EPHA3: variants seen among roughly 807,000 people sequenced by gnomAD.
The protein encoded by EPHA3 is EPH receptor A3.
A neutral mutation model predicts 107.1 loss-of-function variants in EPHA3; 42 were observed. That is an observed-to-expected ratio of 0.39 (90% CI 0.31 to 0.51). EPHA3 has a LOEUF of 0.51. Among genes scored for constraint, EPHA3 ranks in the 20% least tolerant of loss-of-function variants. The pLI is 0.78. For synonymous variants in EPHA3, 461 were observed against 424.8 expected (o/e 1.09, Z -1.05); for missense variants, 1,183 against 1,211.2 (o/e 0.98, Z 0.35).
At chr3:89,352,902 C>CAAAAAAAAAAAAAAAAAA (rs1215369952) in intron 5 of EPHA3, among the ~76,000 whole-genome samples, 42 of 40,992 alleles carry the variant, frequency 1.0e-3, no homozygotes, top group African/African-American at 4.0e-3. Flanking sequence ...GACTCTGTCT[C>CAAAAAAAAAAAAAAAAAA]AAAAAAAAAA....
At chr3:89,391,605 T>C (rs1173836121) in intron 5 of EPHA3, among the ~76,000 whole-genome samples, 1 of 147,406 alleles carries the variant, frequency 6.8e-6, no homozygotes, top group Non-Finnish European at 1.5e-5. Flanking sequence ...TTTTTTGTAT[T>C]TTTTTTTTTA....
intron 13 of EPHA3, among the ~76,000 whole-genome samples, chr3:89,436,118 T>C (rs1420245519): frequency 1.3e-5 from 2 of 151,460 alleles, no homozygotes; most frequent in Admixed American, 6.6e-5. Flanking sequence ...AGGACCCTTT[T>C]TCAAAAAATA....
intron 3 of EPHA3, among the ~76,000 whole-genome samples, chr3:89,229,637 TTAAA>T (rs1245630531): frequency 3.3e-5 from 5 of 151,808 alleles, no homozygotes; most frequent in Middle Eastern, 3.4e-3. Context: ...GCATCAAAAT[TTAAA>T]TAAATAAACT....
intron 3 of EPHA3, among the ~76,000 whole-genome samples, chr3:89,298,583 A>T (rs1706416021): frequency 6.6e-6 from 1 of 151,964 alleles, no homozygotes; most frequent in Admixed American, 6.6e-5. Flanking sequence ...TTCTTGTGAG[A>T]TGGTAAATTC....
chr3:89,250,447 T>C (rs1267474142), intron 3 of EPHA3, among the ~76,000 whole-genome samples: 1 of 152,246 alleles, frequency 6.6e-6, no homozygotes, highest in Non-Finnish European at 1.5e-5. Context: ...TACCTTTATC[T>C]ACCCTATTAT....
At chr3:89,233,075 A>T (rs569458192) in intron 3 of EPHA3, among the ~76,000 whole-genome samples, 1 of 152,264 alleles carries the variant, frequency 6.6e-6, no homozygotes, top group African/African-American at 2.4e-5. Context: ...TCTCATGTCT[A>T]AATACTTACG....
chr3:89,337,938 C>T (rs1467082534), intron 3 of EPHA3, among the ~76,000 whole-genome samples: 3 of 152,192 alleles, frequency 2.0e-5, no homozygotes, highest in Admixed American at 2.0e-4. Context: ...TGCTGAATTT[C>T]TTGGCCTTTC....
intron 15 of EPHA3, among the ~76,000 whole-genome samples, chr3:89,468,906 TA>T (rs1411268265): frequency 1.3e-5 from 2 of 152,190 alleles, no homozygotes; most frequent in Non-Finnish European, 2.9e-5. Flanking sequence ...TTTTCAATTA[TA>T]AAAATAAGCT....
chr3:89,284,889 G>A (rs573690597), intron 3 of EPHA3, among the ~76,000 whole-genome samples: 9 of 152,320 alleles, frequency 5.9e-5, no homozygotes, highest in Admixed American at 2.0e-4. Flanking sequence ...CACTTTGGGA[G>A]GCTGAGGAGG....
chr3:89,215,553 G>T (rs1227113367), intron 3 of EPHA3, among the ~76,000 whole-genome samples: 2 of 151,792 alleles, frequency 1.3e-5, no homozygotes, highest in East Asian at 3.9e-4. Flanking sequence ...ACATGTTTAG[G>T]AGAAATATGT....
At chr3:89,273,677 C>G (rs550510591) in intron 3 of EPHA3, among the ~76,000 whole-genome samples, 1 of 151,782 alleles carries the variant, frequency 6.6e-6, no homozygotes, top group Non-Finnish European at 1.5e-5. Flanking sequence ...CCTGAGGGCA[C>G]CTGGTTACAA....
intron 2 of EPHA3, among the ~76,000 whole-genome samples, chr3:89,180,159 G>A (rs1313882441): frequency 6.6e-6 from 1 of 151,900 alleles, no homozygotes; most frequent in East Asian, 1.9e-4. Context: ...TGCATAGTGT[G>A]CCAATTAAAT....
intron 16 of EPHA3, among the ~76,000 whole-genome samples, chr3:89,478,325 G>A (rs575999069): frequency 5.3e-5 from 8 of 152,254 alleles, no homozygotes; most frequent in South Asian, 2.1e-4. Context: ...CAGCCTCCCC[G>A]AAAACTTAAA....
chr3:89,352,871 C>T (rs1210463619), intron 5 of EPHA3, among the ~76,000 whole-genome samples: 3 of 138,640 alleles, frequency 2.2e-5, no homozygotes, highest in African/African-American at 8.6e-5. Context: ...CCATTGCACT[C>T]CAGCCTGGGC....
rs1362062585 is a variant in EPHA3, at chr3:89,424,797, A to G, written c.2075-4309A>G. On this transcript the variant is annotated intron_variant, in intron 11 of 16. Coordinates refer to ENST00000336596, the MANE Select transcript of EPHA3 (RefSeq NM_005233.6). ...TGTGCTTACTGCATGACTCAGCTCT[A>G]ACTAGCATAATGGACAGTAAATTAG... Among the ~76,000 whole-genome samples, 42 of 151,492 alleles carry G rather than the reference A, an allele frequency of 2.8e-4. No individual in the cohort carries two copies. The Admixed American group carries it at 2.8e-3, about 10-fold the overall frequency.
chr3:89,399,180 A>T, intron 6 of EPHA3, 138 bp from the exon 7 acceptor site: 2 of 836,890 alleles, frequency 2.4e-6, no homozygotes, highest in South Asian at 5.9e-5. Flanking sequence ...AATTGAAATA[A>T]TCGATATGAC....
At chr3:89,242,508 G>A (rs1032085853) in intron 3 of EPHA3, among the ~76,000 whole-genome samples, 22 of 152,220 alleles carry the variant, frequency 1.4e-4, no homozygotes, top group African/African-American at 5.3e-4. Context: ...CATGATCTCG[G>A]CTCACTGCAA....
chr3:89,203,078 G>A (rs1374020327), intron 2 of EPHA3, among the ~76,000 whole-genome samples: 1 of 152,092 alleles, frequency 6.6e-6, no homozygotes, highest in Non-Finnish European at 1.5e-5. Flanking sequence ...CGACATTTTA[G>A]ACGCAGTTTC....
chr3:89,450,905 C>A (rs1056121709), intron 15 of EPHA3, among the ~76,000 whole-genome samples: 14 of 152,054 alleles, frequency 9.2e-5, no homozygotes, highest in Non-Finnish European at 1.2e-4. Flanking sequence ...GACTCTCTCT[C>A]TAAATAAATA....
Sources: allele counts gnomAD v4.1 joint callset (sites outside exome capture counted in the v4.1 genomes callset), GRCh38; gene constraint gnomAD v4.1.1; transcripts MANE v1.5; gene names NCBI Gene and HGNC (gene_info 2026-07-23, HGNC 2026-07-21).